The following ZFHX4 variants were observed in gnomAD, a reference collection of about 807,000 sequenced individuals.
ZFHX4 encodes zinc finger homeobox protein 4.
Under a neutral mutation model 267.6 loss-of-function variants are expected in ZFHX4, and 56 were observed. That is an observed-to-expected ratio of 0.21 (90% confidence interval 0.17 to 0.26). The LOEUF (loss-of-function observed/expected upper bound fraction) is 0.26, where lower values mean the gene tolerates loss of function less well. Among genes scored for constraint, ZFHX4 ranks in the 10% least tolerant of loss-of-function variants. The pLI is 1.00. For synonymous variants in ZFHX4, 1,778 were observed against 1,665.6 expected (o/e 1.07, Z -1.64); for missense variants, 4,332 against 4,420.0 (o/e 0.98, Z 0.56).
At chr8:76,777,159 T>C (rs947964060) in intron 3 of ZFHX4, among the ~76,000 whole-genome samples, 5 of 152,212 alleles carry the variant, frequency 3.3e-5, no homozygotes, top group Non-Finnish European at 5.9e-5. Context: ...TTCCTCTTTG[T>C]TGCTATTCTT....
intron 4 of ZFHX4, among the ~76,000 whole-genome samples, chr8:76,798,889 C>T (rs1354826077): frequency 1.3e-5 from 2 of 152,122 alleles, no homozygotes; most frequent in African/African-American, 2.4e-5. Context: ...GTCATACTTA[C>T]AGCAGATAGA....
intron 3 of ZFHX4, among the ~76,000 whole-genome samples, chr8:76,765,496 T>C (rs746569509): frequency 6.0e-4 from 92 of 152,156 alleles, no homozygotes; most frequent in Non-Finnish European, 1.2e-3. Flanking sequence ...TAGGTTAATA[T>C]ATATTGAATG....
chr8:76,763,215 G>A lies in ZFHX4; in HGVS notation c.3094-14993G>A, dbSNP rs150020614. Among the ~76,000 whole-genome samples, 1,078 of 141,406 alleles carry A rather than the reference G, an allele frequency of 7.6e-3. 17 individuals are homozygous for A. The highest frequency in any genetic ancestry group is 0.03 in the African/African-American group (995 of 33,480). The allele number at this position is 141,406 out of a possible 152,430, so 92.8% of individuals were successfully genotyped here. A position where few individuals can be genotyped will look rare whatever the true frequency, so the allele number is the denominator to read the frequency against. On this transcript the variant is annotated intron_variant, in intron 3 of 10. Coordinates refer to ENST00000651372, the MANE Select transcript of ZFHX4 (RefSeq NM_024721.5). Reference sequence around the variant, plus strand: ...CACTCCACTCTATTCTCATCCTGCCGTACTTGGGCTGTTCCCGTCTGATAG... The same window carrying A: ...CACTCCACTCTATTCTCATCCTGCCATACTTGGGCTGTTCCCGTCTGATAG...
intron 4 of ZFHX4, among the ~76,000 whole-genome samples, chr8:76,788,576 C>T (rs1179284278): frequency 1.3e-5 from 2 of 152,136 alleles, no homozygotes; most frequent in East Asian, 1.9e-4. Flanking sequence ...TAACATGAAT[C>T]GTTTCTGAGT....
At chr8:76,848,914 G>A (rs1030968692) in intron 6 of ZFHX4, 81 bp from the exon 7 acceptor site, 70 of 1,341,916 alleles carry the variant, frequency 5.2e-5, no homozygotes, top group Admixed American at 6.8e-5. Flanking sequence ...GTTTAGAGTC[G>A]CAAATGTTTG....
At chr8:76,722,677 G>T (rs1161797977) in intron 3 of ZFHX4, among the ~76,000 whole-genome samples, 1 of 151,206 alleles carries the variant, frequency 6.6e-6, no homozygotes, top group African/African-American at 2.4e-5. Flanking sequence ...ACTCCACTGA[G>T]TTCTGTAGAT....
intron 4 of ZFHX4, among the ~76,000 whole-genome samples, chr8:76,817,925 G>T (rs1811548760): frequency 6.6e-6 from 1 of 152,204 alleles, no homozygotes; most frequent in African/African-American, 2.4e-5. Context: ...ATTATTGGTT[G>T]TAGAAATCAC....
In ZFHX4 at chr8:76,778,421, T is replaced by C; in HGVS notation, c.3307T>C (p.Cys1103Arg). 2 of 1,613,634 alleles carry C rather than the reference T, an allele frequency of 1.2e-6. No individual in the cohort carries two copies. The highest frequency in any genetic ancestry group is 1.7e-6 in the Non-Finnish European group (2 of 1,179,776). The part of the protein sequence containing the change: ...NLSEIFFVKD[C>R]PPNELETASL... The stretch of plus-strand genomic sequence containing the variant: ...CAGTGAGATCTTTTTTGTTAAAGAT[T>C]GCCCACCAAATGAGCTTGGTGAGTA... The change falls in exon 4 of 11, where the codon TGC becomes CGC. Residue 1103 changes from cysteine to arginine, a missense_variant. Coordinates refer to ENST00000651372, the MANE Select transcript of ZFHX4 (RefSeq NM_024721.5).
In ZFHX4 at chr8:76,717,988, T is replaced by G. The variant is rs568016282; in HGVS notation, c.3093+9940T>G. ...CGTTTGGCAGGCCTGAGAATAACAC[T>G]AGCATATGTCCTTAGGGTCTAAAAT... On this transcript the variant is annotated intron_variant, in intron 3 of 10. Transcript: ENST00000651372. Among the ~76,000 whole-genome samples the G allele has an allele frequency of 4.6e-4, 70 of 152,336 alleles. 2 individuals carry two copies. Among genetic ancestry groups the G allele is most frequent in the South Asian group, 1.9e-3 (9 of 4,832 alleles).
intron 4 of ZFHX4, among the ~76,000 whole-genome samples, chr8:76,806,150 C>T (rs923974419): frequency 6.6e-6 from 1 of 152,124 alleles, no homozygotes; most frequent in Non-Finnish European, 1.5e-5. Flanking sequence ...GGTTCATCAT[C>T]TTCAAGCAGA....
At chr8:76,776,018 C>G (rs1182220188) in intron 3 of ZFHX4, among the ~76,000 whole-genome samples, 1 of 150,552 alleles carries the variant, frequency 6.6e-6, no homozygotes, top group Non-Finnish European at 1.5e-5. Context: ...AGGTTCTGTT[C>G]TAGACAGTGC....
intron 3 of ZFHX4, among the ~76,000 whole-genome samples, chr8:76,720,181 C>T (rs1808681096): frequency 6.6e-6 from 1 of 152,112 alleles, no homozygotes; most frequent in African/African-American, 2.4e-5. Context: ...CCAATCCTCC[C>T]TTCTCCGGCC....
chr8:76,863,985 C>G lies in ZFHX4; in HGVS notation c.10271C>G (p.Ser3424Cys). Residue 3424 changes from serine (S) to cysteine (C), a missense_variant, in exon 11 of 11, where the codon TCC (serine) becomes TGC (cysteine). Coordinates refer to ENST00000651372, the MANE Select transcript of ZFHX4 (RefSeq NM_024721.5). ...DEDAAVNHQK[S>C]FCYFGQPLID... is the part of the protein sequence containing the mutation. ...GACGCCGCAGTAAATCATCAAAAGTCCTTCTGTTATTTCGGTCAGCCTTTG... is the reference window on the plus strand; with the variant it reads ...GACGCCGCAGTAAATCATCAAAAGTGCTTCTGTTATTTCGGTCAGCCTTTG... 6.2e-7 allele frequency: 1 copy of G among 1,613,516 alleles called. No individual in the cohort carries two copies. The highest frequency in any genetic ancestry group is 1.3e-5 in the African/African-American group (1 of 75,034).
At chr8:76,718,580 A>T (rs935851067) in intron 3 of ZFHX4, among the ~76,000 whole-genome samples, 11 of 152,306 alleles carry the variant, frequency 7.2e-5, no homozygotes, top group African/African-American at 2.4e-4. Context: ...GGGAATTTAC[A>T]AATAACTTTT....
At chr8:76,773,859 T>C (rs1402510390) in intron 3 of ZFHX4, among the ~76,000 whole-genome samples, 1 of 152,166 alleles carries the variant, frequency 6.6e-6, no homozygotes, top group African/African-American at 2.4e-5. Context: ...TATGCCCTCT[T>C]TCTCAGAATG....
At chr8:76,777,560 T>C (rs1810431068) in intron 3 of ZFHX4, among the ~76,000 whole-genome samples, 1 of 152,220 alleles carries the variant, frequency 6.6e-6, no homozygotes, top group Non-Finnish European at 1.5e-5. Flanking sequence ...TGCAGATTTA[T>C]GGAAAATTTA....
At chr8:76,844,921 G>T (rs917332757) in intron 6 of ZFHX4, among the ~76,000 whole-genome samples, 1 of 151,980 alleles carries the variant, frequency 6.6e-6, no homozygotes, top group African/African-American at 2.4e-5. Flanking sequence ...TTATTACATG[G>T]ATTTTCTCTT....
rs1808271956 is a variant in ZFHX4, at chr8:76,706,356, C to G, written c.2268C>G (p.Pro756=). Residue 756 remains proline (P), a synonymous_variant, in exon 2 of 11, where the codon CCC becomes CCG. Coordinates refer to ENST00000651372, the MANE Select transcript of ZFHX4 (RefSeq NM_024721.5). ...PNTSLSGCGT[P]SPSKPKQKPT... The stretch of plus-strand genomic sequence containing the variant: ...CCAGCCTCAGTGGCTGCGGAACACC[C>G]TCTCCGTCCAAACCCAAACAGAAAC... 5 of 1,614,044 alleles carry G rather than the reference C, an allele frequency of 3.1e-6. No individual in the cohort carries two copies. The Middle Eastern group carries it at 5.0e-4, about 160-fold the overall frequency.
At chr8:76,739,969 G>A (rs1185518630) in intron 3 of ZFHX4, among the ~76,000 whole-genome samples, 1 of 152,050 alleles carries the variant, frequency 6.6e-6, no homozygotes, top group Non-Finnish European at 1.5e-5. Flanking sequence ...GAAAGTCATG[G>A]GGCAACTGTT....
Sources: gnomAD v4.1 joint callset for allele counts (sites outside exome capture counted in the v4.1 genomes callset) on GRCh38, gnomAD v4.1.1 for gene constraint, MANE v1.5 for transcripts, NCBI Gene and HGNC (gene_info 2026-07-23, HGNC 2026-07-21) for gene names.